NLRP3: variants seen among roughly 807,000 people sequenced by gnomAD.
The protein encoded by NLRP3 is NACHT, LRR and PYD domains-containing protein 3.
A neutral mutation model predicts 91.3 loss-of-function variants in NLRP3; 48 were observed. The observed-to-expected ratio is 0.53, with a 90% CI of 0.42 to 0.67. NLRP3 has a LOEUF of 0.67. Among genes scored for constraint, NLRP3 ranks in the 30% least tolerant of loss-of-function variants. NLRP3 has a pLI of 0.00. For synonymous variants in NLRP3, 561 were observed against 507.9 expected, an observed-to-expected ratio of 1.10 and a Z score of -1.41; for missense variants, 982 against 1,276.9, an observed-to-expected ratio of 0.77 and a Z score of 3.52.
rs1409875652 is a variant in NLRP3, at chr1:247,424,561, T to C, written c.1112T>C (p.Phe371Ser). ...CCTCGGCATGTGGAGATCCTGGGTTTCTCCGAGGCCAAAAGGAAAGAGTAC... is the reference window on the plus strand; with the variant it reads ...CCTCGGCATGTGGAGATCCTGGGTTCCTCCGAGGCCAAAAGGAAAGAGTAC... Reference protein sequence around the residue: ...DHPRHVEILGFSEAKRKEYFF... With the variant: ...DHPRHVEILGSSEAKRKEYFF... The change falls in exon 4 of 10, where the codon TTC (phenylalanine) becomes TCC (serine). Residue 371 changes from phenylalanine (F) to serine (S), a missense_variant. By Grantham distance (155) the Phe-to-Ser change is radical. This residue lies in a region of NLRP3 where 548 missense variants were observed against 713.7 expected (regional missense o/e 0.77). Transcript: ENST00000336119. The surrounding 1 kb of genome is among the most constrained non-coding windows in gnomAD (Gnocchi z 8.1). 6.2e-7 allele frequency: 1 copy of C among 1,614,070 alleles called. No homozygotes were observed. Among genetic ancestry groups the C allele is most frequent in the Non-Finnish European group, 8.5e-7 (1 of 1,180,044 alleles).
chr1:247,419,690 T>A (rs1662319822), intron 2 of NLRP3, among the ~76,000 whole-genome samples: 1 of 152,166 alleles, frequency 6.6e-6, no homozygotes. Flanking sequence ...CCTTTATGAG[T>A]AGTTTATTTC....
At chr1:247,440,583 T>C (rs1042936373) in intron 7 of NLRP3, among the ~76,000 whole-genome samples, 2 of 152,200 alleles carry the variant, frequency 1.3e-5, no homozygotes, top group African/African-American at 2.4e-5. Context: ...TGAGTCATAT[T>C]GGATGAGTTT....
intron 3 of NLRP3, 26 bp from the exon 4 acceptor site, chr1:247,423,821 C>T (rs1186614293): frequency 6.2e-7 from 1 of 1,607,254 alleles, no homozygotes; most frequent in South Asian, 1.1e-5. Context: ...GTATACTTTC[C>T]CCCTAACTTC....
In NLRP3 at chr1:247,424,719, A is replaced by G; in HGVS notation, c.1270A>G (p.Met424Val). 1 of 1,614,144 alleles carries G rather than the reference A, an allele frequency of 6.2e-7. No homozygotes were observed. The highest frequency in any genetic ancestry group is 8.5e-7 in the Non-Finnish European group (1 of 1,180,042). Reference protein sequence around the residue: ...WIVCTGLKQQMESGKSLAQTS... With the variant: ...WIVCTGLKQQVESGKSLAQTS... ...CGTGTGCACTGGACTGAAACAGCAG[A>G]TGGAGAGTGGCAAGAGCCTTGCCCA... The change falls in exon 4 of 10, where the codon ATG becomes GTG. Residue 424 changes from methionine (M) to valine (V), a missense_variant. By Grantham distance (21) the Met-to-Val change is conservative. This residue lies in a region of NLRP3 where 548 missense variants were observed against 713.7 expected (regional missense o/e 0.77). Transcript: ENST00000336119. The surrounding 1 kb of genome is among the most constrained non-coding windows in gnomAD (Gnocchi z 8.1).
intron 4 of NLRP3, among the ~76,000 whole-genome samples, chr1:247,426,147 GAA>G (rs1054487909): frequency 1.3e-5 from 2 of 152,182 alleles, no homozygotes; most frequent in Non-Finnish European, 2.9e-5. Flanking sequence ...TGCAGTCTGA[GAA>G]AAAGTGTGTG....
intron 1 of NLRP3, among the ~76,000 whole-genome samples, chr1:247,417,642 C>T (rs957318420): frequency 3.3e-5 from 5 of 151,990 alleles, no homozygotes; most frequent in East Asian, 1.9e-4. Flanking sequence ...GTACCATGCC[C>T]GGTTAATTTT....
rs1167712298 is a variant in NLRP3 at position 247,425,047 on chromosome 1, T to C, written c.1598T>C (p.Leu533Pro). Reference protein sequence around the residue: ...FQEFFAAMYYLLEEEKEGRTN... With the variant: ...FQEFFAAMYYPLEEEKEGRTN... Reference sequence around the variant, plus strand: ...GAGTTCTTTGCCGCCATGTACTACCTGCTGGAAGAGGAAAAGGAAGGAAGG... The same window carrying C: ...GAGTTCTTTGCCGCCATGTACTACCCGCTGGAAGAGGAAAAGGAAGGAAGG... Residue 533 changes from leucine (L) to proline (P), a missense_variant, in exon 4 of 10, where the codon CTG becomes CCG. By Grantham distance (98) the Leu-to-Pro change is moderately conservative. Coordinates refer to ENST00000336119, the MANE Select transcript of NLRP3 (RefSeq NM_001243133.2). The surrounding 1 kb of genome is among the most constrained non-coding windows in gnomAD (Gnocchi z 4.1). 3 of 1,614,188 alleles carry C rather than the reference T, an allele frequency of 1.9e-6. No homozygotes were observed. The highest frequency in any genetic ancestry group is 1.1e-5 in the South Asian group (1 of 91,084).
chr1:247,448,262 GT>G (rs1664727985), intron 9 of NLRP3, 142 bp from the exon 10 acceptor site: 2 of 618,118 alleles, frequency 3.2e-6, no homozygotes, highest in South Asian at 3.3e-5. Flanking sequence ...GGGAGTTGTG[GT>G]CCCTCTTTTT....
Position 247,425,091 on chromosome 1 carries a change from C to T in NLRP3, c.1642C>T (p.Arg548Cys), listed in dbSNP as rs201678213. The T allele has an allele frequency of 2.4e-5, 38 of 1,614,002 alleles. No homozygotes were observed. Among genetic ancestry groups the T allele is most frequent in the Middle Eastern group, 1.6e-4 (1 of 6,084 alleles). The change falls in exon 4 of 10, where the codon CGT becomes TGT. Residue 548 changes from arginine (R) to cysteine (C), a missense_variant. Physicochemically the swap from Arg to Cys is radical, Grantham distance 180. Transcript: ENST00000336119. The surrounding 1 kb of genome is among the most constrained non-coding windows in gnomAD (Gnocchi z 4.1). ...KEGRTNVPGSRLKLPSRDVTV... is the reference protein window; with the variant it reads ...KEGRTNVPGSCLKLPSRDVTV... ...AGGAAGGACGAACGTTCCAGGGAGT[C>T]GTTTGAAGCTTCCCAGCCGAGACGT...
chr1:247,447,743 T>C lies in NLRP3; in HGVS notation c.3006-662T>C, dbSNP rs558220977. Among the ~76,000 whole-genome samples, 4 of 152,318 alleles carry C rather than the reference T, an allele frequency of 2.6e-5. No homozygotes were observed. The South Asian group carries it at 8.3e-4, about 32-fold the overall frequency. ...ACTAAGAAATTATTGTTAAACGATT[T>C]TGGTGTGATAGTGACATTGTAATTA... On this transcript the variant is annotated intron_variant, in intron 9 of 9. Coordinates refer to ENST00000336119, the MANE Select transcript of NLRP3 (RefSeq NM_001243133.2).
In NLRP3 at chr1:247,425,667, C is replaced by G. The variant is rs1302272498; in HGVS notation, c.2150+68C>G. On this transcript the variant is annotated intron_variant, in intron 4 of 9. Coordinates refer to ENST00000336119, the MANE Select transcript of NLRP3 (RefSeq NM_001243133.2). This position sits in a 1 kb window ranked among gnomAD's most constrained non-coding sequence, Gnocchi z 4.1. ...CCAGCTTCTTCTTGGCGCTTGCCTC[C>G]TCTCATCTCTTTTCAACTATCTTCC... The G allele has an allele frequency of 1.6e-5, 23 of 1,427,348 alleles. No individual in the cohort carries two copies. The highest frequency in any genetic ancestry group is 1.9e-5 in the Non-Finnish European group (20 of 1,026,582). 88.4% of individuals were successfully genotyped at this position (1,427,348 alleles called of 1,614,324 possible).
At chr1:247,422,085 A>G (rs1188075914) in intron 2 of NLRP3, among the ~76,000 whole-genome samples, 2 of 152,154 alleles carry the variant, frequency 1.3e-5, no homozygotes, top group African/African-American at 4.8e-5. Context: ...CAGCTGTCAG[A>G]GGTCTTTTAT....
rs1662699550 is a variant in NLRP3 at position 247,424,341 on chromosome 1, C to T, written c.892C>T (p.Leu298Phe). 6.2e-7 allele frequency: 1 copy of T among 1,614,140 alleles called. No homozygotes were observed. The highest frequency in any genetic ancestry group is 2.2e-5 in the East Asian group (1 of 44,868). The change falls in exon 4 of 10, where the codon CTC becomes TTC. Residue 298 changes from leucine to phenylalanine, a missense_variant. Leu to Phe is a conservative substitution (Grantham distance 22). This residue lies in a region of NLRP3 where 548 missense variants were observed against 713.7 expected (regional missense o/e 0.77). Coordinates refer to ENST00000336119, the MANE Select transcript of NLRP3 (RefSeq NM_001243133.2). This position sits in a 1 kb window ranked among gnomAD's most constrained non-coding sequence, Gnocchi z 8.1. ...IVRKPSRILF[L>F]MDGFDELQGA... is the part of the protein sequence containing the mutation. Reference sequence around the variant, plus strand: ...GAGAAAACCCTCCAGAATCCTCTTCCTCATGGACGGCTTCGATGAGCTGCA... The same window carrying T: ...GAGAAAACCCTCCAGAATCCTCTTCTTCATGGACGGCTTCGATGAGCTGCA...
chr1:247,436,251 G>A, intron 7 of NLRP3, 111 bp downstream of exon 7: 2 of 1,043,418 alleles, frequency 1.9e-6, no homozygotes, highest in South Asian at 1.3e-5. Context: ...GGTAGAGTAA[G>A]GAGGTAAAAA....
At chr1:247,444,868 A>T in intron 9 of NLRP3, 47 bp downstream of exon 9, 1 of 1,594,894 alleles carries the variant, frequency 6.3e-7, no homozygotes, top group Non-Finnish European at 8.6e-7. Flanking sequence ...CTGAGTTCTC[A>T]GGAAACGTTG....
Position 247,436,151 on chromosome 1 carries a change from A to G in NLRP3, c.2663+11A>G. 1 of 1,613,840 alleles carries G rather than the reference A, an allele frequency of 6.2e-7. No homozygotes were observed. The highest frequency in any genetic ancestry group is 8.5e-7 in the Non-Finnish European group (1 of 1,179,728). ...CCTGCAGAAACTGGGGTAAGTCTTCATGGGTGTCTTACCAGAAAAGTAACT... is the reference window on the plus strand; with the variant it reads ...CCTGCAGAAACTGGGGTAAGTCTTCGTGGGTGTCTTACCAGAAAAGTAACT... On this transcript the variant is annotated intron_variant, in intron 7 of 9. Transcript: ENST00000336119.
At chr1:247,436,335 T>C (rs1663790229) in intron 7 of NLRP3, among the ~76,000 whole-genome samples, 195 bp downstream of exon 7, 1 of 152,196 alleles carries the variant, frequency 6.6e-6, no homozygotes, top group Non-Finnish European at 1.5e-5. Flanking sequence ...TGCTAATTTA[T>C]GATTATAGAA....
intron 4 of NLRP3, among the ~76,000 whole-genome samples, chr1:247,428,863 A>G (rs538104962): frequency 1.3e-5 from 2 of 150,258 alleles, no homozygotes; most frequent in East Asian, 2.0e-4. Flanking sequence ...TTTTATTTCC[A>G]TGGATGTGGC....
chr1:247,439,006 T>TCCGTCAA (rs1664009436), intron 7 of NLRP3, among the ~76,000 whole-genome samples: 1 of 137,470 alleles, frequency 7.3e-6, no homozygotes, highest in African/African-American at 2.7e-5. Flanking sequence ...TCCCTCTATT[T>TCCGTCAA]TCCATCCGTC....
Sources: gnomAD v4.1 joint callset for allele counts (sites outside exome capture counted in the v4.1 genomes callset) on GRCh38, gnomAD v4.1.1 for gene constraint, gnomAD v4.1.1 regional missense constraint, Gnocchi (gnomAD v3.1) non-coding constraint, MANE v1.5 for transcripts, NCBI Gene and HGNC (gene_info 2026-07-23, HGNC 2026-07-21) for gene names.